ASAH2: variants seen among roughly 807,000 people sequenced by gnomAD.
The protein encoded by ASAH2 is N-acylsphingosine amidohydrolase 2, also known as neutral ceramidase.
Under a neutral mutation model 82.9 loss-of-function variants are expected in ASAH2, and 58 were observed. The ratio of observed to expected loss-of-function variants is 0.70; its 90% CI spans 0.57 to 0.87. The LOEUF (loss-of-function observed/expected upper bound fraction) is 0.87, where lower values mean the gene tolerates loss of function less well. ASAH2 is among the 40% of genes least tolerant of loss of function. ASAH2 has a pLI of 0.00. For synonymous variants in ASAH2, 276 were observed against 289.7 expected (o/e 0.95, Z 0.48); for missense variants, 779 against 834.0 (o/e 0.93, Z 0.81).
chr10:50,203,767 AC>A, intron 14 of ASAH2, 88 bp from the exon 15 acceptor site: 1 of 1,092,910 alleles, frequency 9.1e-7, no homozygotes, highest in Non-Finnish European at 1.4e-6. Context: ...CCAAAAAATT[AC>A]CCTGGCTCAT....
At position 50,245,743 on chromosome 10, in the gene ASAH2, C is replaced by A. The variant is rs913227467; in HGVS notation, c.128-289G>T. 5.9e-5 allele frequency among the ~76,000 whole-genome samples: 9 copies of A among 152,186 alleles called. No individual in the cohort carries two copies. The South Asian group carries it at 1.9e-3, about 32-fold the overall frequency. On this transcript the variant is annotated intron_variant, in intron 2 of 20. Transcript: ENST00000682911. ...CACTGCCTTCACTCAACACCCTGCT[C>A]TTCTTTTCCAGCTAAACTAAACAGG...
Position 50,230,133 on chromosome 10 carries a change from AG to A in ASAH2, c.893+3050del, listed in dbSNP as rs1252752149. 6.6e-5 allele frequency among the ~76,000 whole-genome samples: 10 copies of A among 152,320 alleles called. No individual in the cohort carries two copies. The East Asian group carries it at 1.9e-3, about 29-fold the overall frequency. ...GTACTAGATTCCTTATTTCAAGGCCAGGGAATACATCATTCCAAGGAAGTAT... is the reference window on the plus strand; with the variant it reads ...GTACTAGATTCCTTATTTCAAGGCCAGGAATACATCATTCCAAGGAAGTAT... On this transcript the variant is annotated intron_variant, in intron 7 of 20. Transcript: ENST00000682911.
intron 6 of ASAH2, among the ~76,000 whole-genome samples, chr10:50,233,580 A>G (rs994614353): frequency 3.3e-5 from 5 of 152,146 alleles, no homozygotes; most frequent in African/African-American, 1.2e-4. Context: ...TTCTACTCAT[A>G]TCAATTTTTA....
At chr10:50,241,825 T>C (rs564307666) in intron 4 of ASAH2, among the ~76,000 whole-genome samples, 20 of 152,040 alleles carry the variant, frequency 1.3e-4, no homozygotes, top group African/African-American at 4.8e-4. Flanking sequence ...CACTCTTAAG[T>C]GGGAGTTGAA....
intron 4 of ASAH2, chr10:50,240,661 C>T (rs1402690282): frequency 1.4e-6 from 1 of 696,014 alleles, no homozygotes; most frequent in Non-Finnish European, 2.6e-6. Flanking sequence ...AATAGATCTC[C>T]TCTGTTCCCT....
At chr10:50,196,644 AAG>A in intron 18 of ASAH2, 127 bp downstream of exon 18, 1 of 682,382 alleles carries the variant, frequency 1.5e-6, no homozygotes, top group Non-Finnish European at 2.6e-6. Context: ...TTGCAGAGAT[AAG>A]AACAATTGTC....
At chr10:50,223,452 G>A (rs1274243701) in intron 7 of ASAH2, among the ~76,000 whole-genome samples, 5 of 152,136 alleles carry the variant, frequency 3.3e-5, no homozygotes, top group Non-Finnish European at 7.4e-5. Context: ...CAGAAAAGAG[G>A]ATGCGTTTGT....
At chr10:50,235,471 G>A (rs945649446) in intron 5 of ASAH2, among the ~76,000 whole-genome samples, 12 of 152,068 alleles carry the variant, frequency 7.9e-5, no homozygotes, top group African/African-American at 2.9e-4. Flanking sequence ...AAATTGGGAT[G>A]TGTGTTTATA....
intron 2 of ASAH2, among the ~76,000 whole-genome samples, chr10:50,247,059 C>T (rs1171073564): frequency 6.6e-6 from 1 of 152,210 alleles, no homozygotes; most frequent in Non-Finnish European, 1.5e-5. Context: ...TAAACAGTAA[C>T]TACTGCCATA....
chr10:50,202,193 C>T (rs1845166771), intron 16 of ASAH2, among the ~76,000 whole-genome samples: 1 of 151,990 alleles, frequency 6.6e-6, no homozygotes, highest in Non-Finnish European at 1.5e-5. Flanking sequence ...GACTGTATGC[C>T]TCTGTATGCA....
At chr10:50,244,592 C>T (rs771065237) in intron 3 of ASAH2, among the ~76,000 whole-genome samples, 10 of 152,198 alleles carry the variant, frequency 6.6e-5, no homozygotes, top group Non-Finnish European at 1.3e-4. Flanking sequence ...CATCACATAG[C>T]CAAGACTAGC....
chr10:50,213,483 A>G (rs1333085727), intron 9 of ASAH2, among the ~76,000 whole-genome samples: 1 of 152,062 alleles, frequency 6.6e-6, no homozygotes, highest in Non-Finnish European at 1.5e-5. Flanking sequence ...ACTTCTGGGG[A>G]AAAAAATCAA....
At chr10:50,249,301 C>T (rs2217900) in intron 1 of ASAH2, among the ~76,000 whole-genome samples, 43,961 of 152,014 alleles carry the variant, frequency 0.29, 6,610 homozygotes, top group Non-Finnish European at 0.31. Flanking sequence ...CTTTGCAAAC[C>T]CTGTATCAAA....
chr10:50,212,540 C>T (rs1324640565), intron 10 of ASAH2, among the ~76,000 whole-genome samples: 1 of 152,128 alleles, frequency 6.6e-6, no homozygotes, highest in African/African-American at 2.4e-5. Flanking sequence ...TTCTATGGCT[C>T]AGCTTTCTCT....
At position 50,235,940 on chromosome 10, in the gene ASAH2, C is replaced by T. The variant is rs1846148211; in HGVS notation, c.635G>A (p.Ser212Asn). 5 of 1,613,320 alleles carry T rather than the reference C, an allele frequency of 3.1e-6. No homozygotes were observed. The highest frequency in any genetic ancestry group is 3.3e-5 in the Admixed American group (2 of 59,930). ...AAAAGTTTGATTGCTAAATCCTTCA[C>T]TGGCAATTACAAACACGGTATACTG... ...YFQYTVFVIASEGFSNQTFQH... is the reference protein window; with the variant it reads ...YFQYTVFVIANEGFSNQTFQH... The change falls in exon 5 of 21, where the codon AGT (serine) becomes AAT (asparagine). Residue 212 changes from serine to asparagine, a missense_variant. By Grantham distance (46) the Ser-to-Asn change is conservative. Coordinates refer to ENST00000682911, the MANE Select transcript of ASAH2 (RefSeq NM_019893.4).
intron 8 of ASAH2, among the ~76,000 whole-genome samples, chr10:50,217,401 G>C (rs1845632697): frequency 6.6e-6 from 1 of 151,852 alleles, no homozygotes; most frequent in Non-Finnish European, 1.5e-5. Context: ...TTAATGTTTT[G>C]TATTTTTAGC....
chr10:50,197,744 C>T (rs1845023427), intron 17 of ASAH2, among the ~76,000 whole-genome samples: 1 of 151,762 alleles, frequency 6.6e-6, no homozygotes, highest in African/African-American at 2.4e-5. Flanking sequence ...AACAAATTTC[C>T]ACCAAATTAA....
chr10:50,227,979 T>G (rs1845933947), intron 7 of ASAH2, among the ~76,000 whole-genome samples: 1 of 152,062 alleles, frequency 6.6e-6, no homozygotes, highest in South Asian at 2.1e-4. Flanking sequence ...AGCATCAAGC[T>G]TCACAACATG....
chr10:50,221,695 G>A (rs1349976636), intron 7 of ASAH2, among the ~76,000 whole-genome samples: 1 of 97,774 alleles, frequency 1.0e-5, no homozygotes, highest in African/African-American at 3.6e-5. Context: ...TAGATAGATG[G>A]ATGGATAGAT....
Sources: allele counts gnomAD v4.1 joint callset (sites outside exome capture counted in the v4.1 genomes callset), GRCh38; gene constraint gnomAD v4.1.1; transcripts MANE v1.5; gene names NCBI Gene and HGNC (gene_info 2026-07-23, HGNC 2026-07-21).